The following PTPRM variants were observed in gnomAD, a reference collection of about 807,000 sequenced individuals.
PTPRM encodes receptor-type tyrosine-protein phosphatase mu.
Under a neutral mutation model 186.7 loss-of-function variants are expected in PTPRM, and 47 were observed. The observed-to-expected ratio is 0.25, with a 90% CI of 0.20 to 0.32. PTPRM has a LOEUF of 0.32. Ranked by LOEUF, PTPRM falls within the 10% of genes least tolerant of loss-of-function variation. The pLI, the probability that PTPRM is intolerant of heterozygous loss-of-function variation, is 1.00. For missense variants in PTPRM, 1,494 were observed against 1,865.0 expected, an observed-to-expected ratio of 0.80 and a Z score of 3.66; for synonymous variants, 668 against 674.9, an observed-to-expected ratio of 0.99 and a Z score of 0.16.
chr18:7,940,639 G>A (rs983525927), intron 5 of PTPRM, among the ~76,000 whole-genome samples: 1 of 152,002 alleles, frequency 6.6e-6, no homozygotes, highest in South Asian at 2.1e-4. Flanking sequence ...CCATGGCACA[G>A]TGGGACTGGG....
chr18:8,140,561 C>A (rs2092742415), intron 13 of PTPRM, among the ~76,000 whole-genome samples: 1 of 151,192 alleles, frequency 6.6e-6, no homozygotes, highest in Admixed American at 6.6e-5. Flanking sequence ...AAATAATAAC[C>A]AGCGTTATCA....
intron 5 of PTPRM, among the ~76,000 whole-genome samples, chr18:7,926,963 T>C (rs191188933): frequency 4.6e-5 from 7 of 152,218 alleles, no homozygotes; most frequent in African/African-American, 1.7e-4. Context: ...TTACAAAATA[T>C]AGCACTCTTC....
rs1207742308 is a variant in PTPRM at position 7,736,382 on chromosome 18, T to C, written c.74-37767T>C. ...TCACCCAGGCTGGAGTGCAGTGGCA[T>C]GATCTCAGCTCACTGCAACCTCCGC... On this transcript the variant is annotated intron_variant, in intron 1 of 32. Coordinates refer to ENST00000580170, the MANE Select transcript of PTPRM (RefSeq NM_001105244.2). Among the ~76,000 whole-genome samples the C allele has an allele frequency of 2.0e-5, 3 of 152,064 alleles. No homozygotes were observed. The East Asian group carries it at 5.8e-4, about 29-fold the overall frequency.
intron 7 of PTPRM, among the ~76,000 whole-genome samples, chr18:7,984,941 ATATATACATATATAAT>A (rs2082803433): frequency 2.3e-5 from 1 of 43,814 alleles, no homozygotes; most frequent in Admixed American, 2.4e-4. Context: ...ATATATACAT[ATATATACATATATAAT>A]TATATACATA....
At chr18:8,111,871 C>T (rs1243638934) in intron 11 of PTPRM, among the ~76,000 whole-genome samples, 1 of 152,040 alleles carries the variant, frequency 6.6e-6, no homozygotes, top group Non-Finnish European at 1.5e-5. Context: ...TTGTCTTTAC[C>T]CCTCCAAAAG....
At chr18:7,783,774 A>ATG (rs1229244931) in intron 2 of PTPRM, among the ~76,000 whole-genome samples, 107 of 79,770 alleles carry the variant, frequency 1.3e-3, no homozygotes, top group African/African-American at 3.1e-3. Context: ...GTGTGTGTGT[A>ATG]TGTGTGTGTG....
intron 24 of PTPRM, among the ~76,000 whole-genome samples, chr18:8,371,418 C>T (rs1347438376): frequency 6.6e-6 from 1 of 152,124 alleles, no homozygotes; most frequent in African/African-American, 2.4e-5. Context: ...AGTGTTGAGA[C>T]ACAGGTCCTA....
At chr18:7,896,887 T>G (rs2049390117) in intron 3 of PTPRM, among the ~76,000 whole-genome samples, 1 of 152,208 alleles carries the variant, frequency 6.6e-6, no homozygotes, top group African/African-American at 2.4e-5. Flanking sequence ...CACATTTTGC[T>G]GCAAACTTTA....
At chr18:8,004,520 G>A (rs1399399110) in intron 7 of PTPRM, among the ~76,000 whole-genome samples, 2 of 151,804 alleles carry the variant, frequency 1.3e-5, no homozygotes, top group Non-Finnish European at 2.9e-5. Context: ...TGCAAAGATA[G>A]GATGGGCCCA....
At chr18:7,857,017 C>A (rs1314192210) in intron 2 of PTPRM, among the ~76,000 whole-genome samples, 1 of 152,206 alleles carries the variant, frequency 6.6e-6, no homozygotes, top group East Asian at 1.9e-4. Flanking sequence ...AGAATGCTTT[C>A]CTGCTCCCTC....
At chr18:7,656,076 A>G (rs1048379386) in intron 1 of PTPRM, among the ~76,000 whole-genome samples, 1 of 152,170 alleles carries the variant, frequency 6.6e-6, no homozygotes, top group Non-Finnish European at 1.5e-5. Flanking sequence ...CCACTTCAGT[A>G]TATATACCCA....
intron 1 of PTPRM, among the ~76,000 whole-genome samples, chr18:7,625,779 C>A (rs1477754456): frequency 6.6e-6 from 1 of 152,234 alleles, no homozygotes; most frequent in Admixed American, 6.5e-5. Flanking sequence ...AGGTGATCCG[C>A]CCGCCTCGGC....
Position 7,888,164 on chromosome 18 carries a change from C to G in PTPRM, c.255C>G (p.Leu85=). 1.2e-6 allele frequency: 2 copies of G among 1,614,146 alleles called. No individual in the cohort carries two copies. The highest frequency in any genetic ancestry group is 8.5e-7 in the Non-Finnish European group (1 of 1,180,006). ...CTGAGGGGCAGAGAGCCCACCTGCT[C>G]TTACCCCAACTTAAAGAAAATGACA... ...GRPEGQRAHL[L]LPQLKENDTH... The change falls in exon 3 of 33, where the codon CTC becomes CTG. Residue 85 remains leucine, a synonymous_variant. Coordinates refer to ENST00000580170, the MANE Select transcript of PTPRM (RefSeq NM_001105244.2).
At chr18:7,648,144 G>T (rs1474956201) in intron 1 of PTPRM, among the ~76,000 whole-genome samples, 1 of 152,016 alleles carries the variant, frequency 6.6e-6, no homozygotes, top group Non-Finnish European at 1.5e-5. Context: ...ATCTGTTACG[G>T]TGATCTGTGA....
intron 7 of PTPRM, among the ~76,000 whole-genome samples, chr18:8,028,556 G>T (rs1178933168): frequency 4.6e-5 from 7 of 152,154 alleles, no homozygotes; most frequent in Admixed American, 2.6e-4. Flanking sequence ...TCCAGAACTT[G>T]CCCATTAAAA....
At chr18:7,871,114 C>T (rs1218418625) in intron 2 of PTPRM, among the ~76,000 whole-genome samples, 1 of 152,192 alleles carries the variant, frequency 6.6e-6, no homozygotes, top group Non-Finnish European at 1.5e-5. Flanking sequence ...CCTAGAAAGC[C>T]ATAATGTGAT....
chr18:7,920,480 A>G (rs566372516), intron 4 of PTPRM, among the ~76,000 whole-genome samples: 3 of 152,270 alleles, frequency 2.0e-5, no homozygotes, highest in Non-Finnish European at 2.9e-5. Context: ...AAATGCTTTT[A>G]TGCTTTAACT....
chr18:8,045,813 A>G (rs919265448), intron 7 of PTPRM, among the ~76,000 whole-genome samples: 1 of 152,220 alleles, frequency 6.6e-6, no homozygotes, highest in Non-Finnish European at 1.5e-5. Flanking sequence ...GGTGGATTTT[A>G]TGACATATTA....
intron 13 of PTPRM, among the ~76,000 whole-genome samples, chr18:8,127,976 G>C (rs1041014443): frequency 6.6e-6 from 1 of 152,158 alleles, no homozygotes; most frequent in Non-Finnish European, 1.5e-5. Flanking sequence ...TGAACTATTT[G>C]TAATAGTGGT....
Sources: allele counts gnomAD v4.1 joint callset (sites outside exome capture counted in the v4.1 genomes callset), GRCh38; gene constraint gnomAD v4.1.1; transcripts MANE v1.5; gene names NCBI Gene and HGNC (gene_info 2026-07-23, HGNC 2026-07-21).